Variants in SERGEF observed in about 807,000 individuals in gnomAD.
SERGEF encodes secretion regulating guanine nucleotide exchange factor.
A neutral mutation model predicts 50.0 loss-of-function variants in SERGEF; 51 were observed. The ratio of observed to expected loss-of-function variants is 1.02; its 90% confidence interval spans 0.81 to 1.29. The LOEUF (loss-of-function observed/expected upper bound fraction) is 1.29. Ranked by LOEUF, SERGEF falls within the 50% of genes most tolerant of loss-of-function variation. SERGEF has a pLI of 0.00. For synonymous variants in SERGEF, 205 were observed against 212.4 expected, an observed-to-expected ratio of 0.97 and a Z score of 0.30; for missense variants, 521 against 557.0, an observed-to-expected ratio of 0.94 and a Z score of 0.65.
intron 9 of SERGEF, among the ~76,000 whole-genome samples, chr11:17,916,416 T>C (rs556578261): frequency 2.7e-4 from 41 of 152,260 alleles, no homozygotes; most frequent in Non-Finnish European, 5.6e-4. Context: ...AGAAGCAGAG[T>C]AGCTGATTAA....
chr11:17,794,053 C>A (rs1191702620), intron 10 of SERGEF, among the ~76,000 whole-genome samples: 1 of 152,214 alleles, frequency 6.6e-6, no homozygotes, highest in Admixed American at 6.5e-5. Context: ...AGGGAGGGGG[C>A]AGCATTTCTG....
intron 10 of SERGEF, among the ~76,000 whole-genome samples, chr11:17,834,157 C>T (rs1418016235): frequency 1.3e-5 from 2 of 152,120 alleles, no homozygotes; most frequent in African/African-American, 4.8e-5. Flanking sequence ...ATCAGGGGGG[C>T]AAGTCTTTCC....
At chr11:17,911,638 C>T (rs1851955975) in intron 9 of SERGEF, among the ~76,000 whole-genome samples, 1 of 151,816 alleles carries the variant, frequency 6.6e-6, no homozygotes, top group Non-Finnish European at 1.5e-5. Context: ...CAGGTGCGCA[C>T]CACCACACCC....
chr11:17,792,492 C>G (rs1849499691), intron 10 of SERGEF, among the ~76,000 whole-genome samples: 1 of 152,210 alleles, frequency 6.6e-6, no homozygotes, highest in Non-Finnish European at 1.5e-5. Flanking sequence ...GCAGGTGCCT[C>G]TCCTCCAGCC....
intron 10 of SERGEF, among the ~76,000 whole-genome samples, chr11:17,838,370 G>C (rs1850445017): frequency 6.6e-6 from 1 of 152,202 alleles, no homozygotes; most frequent in African/African-American, 2.4e-5. Context: ...GTAGGGAAGA[G>C]TGTGATAGAG....
chr11:17,802,441 G>C (rs1849688183), intron 10 of SERGEF, among the ~76,000 whole-genome samples: 1 of 152,290 alleles, frequency 6.6e-6, no homozygotes, highest in East Asian at 1.9e-4. Context: ...AAGGGGGCTA[G>C]AGACTTTGAG....
intron 10 of SERGEF, among the ~76,000 whole-genome samples, chr11:17,828,799 C>T (rs1244853956): frequency 6.6e-6 from 1 of 152,130 alleles, no homozygotes; most frequent in African/African-American, 2.4e-5. Flanking sequence ...AGTCCTAGTG[C>T]CTGAGCTTTA....
intron 9 of SERGEF, among the ~76,000 whole-genome samples, chr11:17,911,484 G>A (rs1267405898): frequency 6.6e-6 from 1 of 150,704 alleles, no homozygotes; most frequent in Non-Finnish European, 1.5e-5. Context: ...TTTTGAGACA[G>A]TCTTTCTTTG....
intron 10 of SERGEF, among the ~76,000 whole-genome samples, chr11:17,864,265 C>T (rs1169686145): frequency 6.6e-6 from 1 of 152,146 alleles, no homozygotes; most frequent in Non-Finnish European, 1.5e-5. Flanking sequence ...CAACCTTGTG[C>T]CTAAAATGGC....
chr11:17,998,103 CTAATTACAATATGTAGACCTCAT>C (rs1853875181), intron 5 of SERGEF, among the ~76,000 whole-genome samples: 1 of 151,868 alleles, frequency 6.6e-6, no homozygotes, highest in Non-Finnish European at 1.5e-5. Flanking sequence ...TACATATCAA[CTAATTACAATATGTAGACCTCAT>C]TCAGGCTGGG....
At chr11:17,950,842 A>G (rs112393352) in intron 9 of SERGEF, among the ~76,000 whole-genome samples, 1 of 152,352 alleles carries the variant, frequency 6.6e-6, no homozygotes, top group African/African-American at 2.4e-5. Flanking sequence ...ACAGCTGGTC[A>G]GCTCCAGGGT....
chr11:17,910,423 A>G (rs1212827721), intron 9 of SERGEF, among the ~76,000 whole-genome samples: 2 of 147,362 alleles, frequency 1.4e-5, no homozygotes, highest in Non-Finnish European at 3.1e-5. Flanking sequence ...TAATTAAAAA[A>G]AATTTTTTTA....
chr11:17,830,649 G>GAGAGAGA (rs1554999450), intron 10 of SERGEF, among the ~76,000 whole-genome samples: 936 of 77,694 alleles, frequency 0.012, 119 homozygotes, highest in African/African-American at 0.041. Flanking sequence ...GGAGAGGGAG[G>GAGAGAGA]GAGAGAGAGA....
intron 8 of SERGEF, among the ~76,000 whole-genome samples, chr11:17,979,989 G>C (rs1290575263): frequency 6.6e-6 from 1 of 152,102 alleles, no homozygotes; most frequent in African/African-American, 2.4e-5. Flanking sequence ...CCTGCGCAGA[G>C]ACCCTGTCAC....
At chr11:17,950,628 A>G (rs1238833938) in intron 9 of SERGEF, among the ~76,000 whole-genome samples, 1 of 152,212 alleles carries the variant, frequency 6.6e-6, no homozygotes, top group Admixed American at 6.5e-5. Context: ...CTAGAAGAAT[A>G]GTGGTAGAAA....
intron 5 of SERGEF, 122 bp downstream of exon 5, chr11:18,000,375 G>T: frequency 1.6e-6 from 1 of 643,060 alleles, no homozygotes; most frequent in Non-Finnish European, 2.6e-6. Context: ...CTTGGGCTCA[G>T]GAGTTCAAGG....
intron 10 of SERGEF, among the ~76,000 whole-genome samples, chr11:17,821,319 T>C (rs1025490767): frequency 6.6e-6 from 1 of 152,230 alleles, no homozygotes; most frequent in Admixed American, 6.5e-5. Flanking sequence ...CGAATACTAA[T>C]AATTATTCAT....
At chr11:17,901,992 T>C (rs1851755995) in intron 9 of SERGEF, among the ~76,000 whole-genome samples, 1 of 152,322 alleles carries the variant, frequency 6.6e-6, no homozygotes, top group African/African-American at 2.4e-5. Context: ...AGATACTAAA[T>C]ACAAATTATC....
intron 10 of SERGEF, among the ~76,000 whole-genome samples, chr11:17,825,191 A>G (rs995799678): frequency 6.6e-6 from 1 of 152,222 alleles, no homozygotes; most frequent in Non-Finnish European, 1.5e-5. Flanking sequence ...ACTAAAGTAA[A>G]TGAAAATGGT....
Sources: gnomAD v4.1 joint callset for allele counts (sites outside exome capture counted in the v4.1 genomes callset) on GRCh38, gnomAD v4.1.1 for gene constraint, MANE v1.5 for transcripts, NCBI Gene and HGNC (gene_info 2026-07-23, HGNC 2026-07-21) for gene names.